The following PPFIBP1 variants were observed in gnomAD, a reference collection of about 807,000 sequenced individuals.
PPFIBP1 encodes liprin-beta-1.
In PPFIBP1, 112 loss-of-function variants were observed where a neutral mutation model predicts 137.8. The observed-to-expected ratio is 0.81, with a 90% CI of 0.70 to 0.95. PPFIBP1 has a LOEUF of 0.95. Ranked by LOEUF, PPFIBP1 falls within the 40% of genes least tolerant of loss-of-function variation. The pLI is 0.00. For missense variants in PPFIBP1, 1,083 were observed against 1,196.6 expected (o/e 0.91, Z 1.40); for synonymous variants, 378 against 417.3 (o/e 0.91, Z 1.15).
rs1233627110 is a variant in PPFIBP1 at position 27,695,471 on chromosome 12, G to T, written c.*2589G>T. 2 of 152,202 alleles carry T rather than the reference G, an allele frequency of 1.3e-5. No homozygotes were observed. Among genetic ancestry groups the T allele is most frequent in the South Asian group, 2.1e-4 (1 of 4,824 alleles). The allele number at this position is 152,202 out of a possible 1,614,324, so 9.4% of individuals were successfully genotyped here. On this transcript the variant is annotated 3_prime_UTR_variant, in exon 30 of 30. Coordinates refer to ENST00000228425, the MANE Select transcript of PPFIBP1 (RefSeq NM_003622.4). ...AACCTAACTGATAATAGGTAATAAG[G>T]TTAAATTTTTTTATGACGTATTTTA...
At chr12:27,692,106 G>C (rs1302774416) in intron 28 of PPFIBP1, among the ~76,000 whole-genome samples, 178 bp downstream of exon 28, 1 of 152,164 alleles carries the variant, frequency 6.6e-6, no homozygotes, top group Non-Finnish European at 1.5e-5. Context: ...AGCACTTAAT[G>C]CATACTATGT....
At chr12:27,567,296 C>T (rs941101593) in intron 1 of PPFIBP1, among the ~76,000 whole-genome samples, 2 of 152,168 alleles carry the variant, frequency 1.3e-5, no homozygotes, top group African/African-American at 4.8e-5. Flanking sequence ...TATCAACCAA[C>T]CACAGTGGTG....
intron 1 of PPFIBP1, among the ~76,000 whole-genome samples, chr12:27,574,115 G>A (rs1439906530): frequency 3.3e-5 from 5 of 152,124 alleles, no homozygotes; most frequent in Admixed American, 3.3e-4. Context: ...TTTCAGTACA[G>A]AAGGGCACTG....
rs201771402 is a variant in PPFIBP1, at chr12:27,633,366, G to C, written c.-31G>C. 2.5e-6 allele frequency: 4 copies of C among 1,605,726 alleles called. No homozygotes were observed. Among genetic ancestry groups the C allele is most frequent in the Admixed American group, 1.7e-5 (1 of 59,610 alleles). On this transcript the variant is annotated 5_prime_UTR_variant, in exon 3 of 30. Transcript: ENST00000228425. ...GATAACCTTATTTTTTTTCAGATCTGGGTTGGAATTTGCCCCTGACAAATA... is the reference window on the plus strand; with the variant it reads ...GATAACCTTATTTTTTTTCAGATCTCGGTTGGAATTTGCCCCTGACAAATA...
chr12:27,558,342 C>T (rs937600974), intron 1 of PPFIBP1, among the ~76,000 whole-genome samples: 3 of 151,420 alleles, frequency 2.0e-5, no homozygotes, highest in African/African-American at 7.3e-5. Flanking sequence ...ATGAACAGGG[C>T]TACTTCCAGT....
intron 6 of PPFIBP1, among the ~76,000 whole-genome samples, chr12:27,649,103 T>C (rs1423673934): frequency 6.6e-6 from 1 of 152,170 alleles, no homozygotes; most frequent in Non-Finnish European, 1.5e-5. Flanking sequence ...ATATACCCCA[T>C]AAATGTATAT....
At chr12:27,634,870 A>G (rs772503063) in intron 3 of PPFIBP1, 40 bp from the exon 4 acceptor site, 9 of 1,561,414 alleles carry the variant, frequency 5.8e-6, no homozygotes, top group Admixed American at 3.4e-5. Context: ...TTTATCTAAC[A>G]TAAATCCCAT....
Position 27,633,409 on chromosome 12 carries a change from G to A in PPFIBP1, c.13G>A (p.Ala5Thr). MMSD[A>T]SDMLAAALEQ... Reference sequence around the variant, plus strand: ...GACAAATAATAAAATGATGAGTGATGCAAGTGACATGTTGGCTGCAGCGTT... The same window carrying A: ...GACAAATAATAAAATGATGAGTGATACAAGTGACATGTTGGCTGCAGCGTT... The change falls in exon 3 of 30, where the codon GCA becomes ACA. Residue 5 changes from alanine (A) to threonine (T), a missense_variant. By Grantham distance (58) the Ala-to-Thr change is moderately conservative (BLOSUM62 0). Coordinates refer to ENST00000228425, the MANE Select transcript of PPFIBP1 (RefSeq NM_003622.4). 1.2e-6 allele frequency: 2 copies of A among 1,613,592 alleles called. No individual in the cohort carries two copies. Among genetic ancestry groups the A allele is most frequent in the Non-Finnish European group, 1.7e-6 (2 of 1,179,794 alleles).
At chr12:27,586,643 G>A (rs1319302167) in intron 2 of PPFIBP1, among the ~76,000 whole-genome samples, 1 of 151,972 alleles carries the variant, frequency 6.6e-6, no homozygotes, top group Admixed American at 6.6e-5. Context: ...GTTGCAGTGA[G>A]CAGAGATCAT....
intron 17 of PPFIBP1, 56 bp from the exon 18 acceptor site, chr12:27,676,372 A>G: frequency 7.5e-7 from 1 of 1,332,352 alleles, no homozygotes; most frequent in South Asian, 2.3e-5. Context: ...TTAGCCTGGC[A>G]TGTGCTGAGG....
intron 1 of PPFIBP1, among the ~76,000 whole-genome samples, chr12:27,527,676 G>A (rs956602172): frequency 2.0e-5 from 3 of 152,014 alleles, no homozygotes; most frequent in Admixed American, 6.6e-5. Flanking sequence ...TTAAAGAAAC[G>A]TCGCTTCAAG....
In PPFIBP1 at chr12:27,692,779, G is replaced by A. The variant is rs755589434; in HGVS notation, c.2932-17G>A. ...CTCTTGGCTCTCAGTGTGACTCCCT[G>A]TCTCCTTGTTTTCCAGCACATGTTA... On this transcript the variant is annotated splice_polypyrimidine_tract_variant and intron_variant, in intron 29 of 29. Transcript: ENST00000228425. The A allele has an allele frequency of 3.1e-6, 5 of 1,614,040 alleles. No homozygotes were observed. The South Asian group carries it at 4.4e-5, about 14-fold the overall frequency.
At chr12:27,626,366 C>T (rs900435537) in intron 2 of PPFIBP1, among the ~76,000 whole-genome samples, 2 of 152,046 alleles carry the variant, frequency 1.3e-5, no homozygotes, top group African/African-American at 4.8e-5. Flanking sequence ...AGGAATTCTG[C>T]CCTTATTTAC....
In PPFIBP1 at chr12:27,671,549, A is replaced by G. The variant is rs1358294286; in HGVS notation, c.1262+3A>G. On this transcript the variant is annotated splice_donor_region_variant and intron_variant, in intron 14 of 29. Transcript: ENST00000228425. ...CCAGAGACTTCATTTGAAGAAAAGT[A>G]TGTCATTTATTAACAGTGCAATATA... 2 of 1,526,190 alleles carry G rather than the reference A, an allele frequency of 1.3e-6. No individual in the cohort carries two copies. Among genetic ancestry groups the G allele is most frequent in the Non-Finnish European group, 1.8e-6 (2 of 1,116,604 alleles). 94.5% of individuals were successfully genotyped at this position (1,526,190 alleles called of 1,614,324 possible).
intron 2 of PPFIBP1, among the ~76,000 whole-genome samples, chr12:27,630,891 A>G (rs74804210): frequency 0.013 from 2,005 of 151,618 alleles, 42 homozygotes; most frequent in African/African-American, 0.046. Flanking sequence ...TAAGTCTACC[A>G]CTTTGGCTAT....
intron 1 of PPFIBP1, among the ~76,000 whole-genome samples, chr12:27,565,514 CTT>C (rs2049567212): frequency 6.6e-6 from 1 of 152,246 alleles, no homozygotes; most frequent in Non-Finnish European, 1.5e-5. Context: ...GCCAGCATTT[CTT>C]TGTCTCCAGG....
rs899772296 is a variant in PPFIBP1, at chr12:27,656,557, C to G, written c.697-59C>G. 7.7e-6 allele frequency: 8 copies of G among 1,043,384 alleles called. No homozygotes were observed. In the African/African-American group the frequency reaches 1.3e-4, roughly 16 times the overall value. 64.6% of individuals were successfully genotyped at this position (1,043,384 alleles called of 1,614,324 possible). On this transcript the variant is annotated intron_variant, in intron 8 of 29. Coordinates refer to ENST00000228425, the MANE Select transcript of PPFIBP1 (RefSeq NM_003622.4). ...TATTGATTTAAAGAGCTAATATGCT[C>G]TCTGAATGTTCCTTTTCAGTCATGA...
At chr12:27,665,366 A>G (rs1192558576) in intron 12 of PPFIBP1, among the ~76,000 whole-genome samples, 5 of 152,116 alleles carry the variant, frequency 3.3e-5, no homozygotes, top group African/African-American at 1.2e-4. Context: ...GAGATAGAGG[A>G]GGAGAGTGAA....
chr12:27,694,157 A>G lies in PPFIBP1; in HGVS notation c.*1275A>G, dbSNP rs1365245575. 8.7e-6 allele frequency: 1 copy of G among 114,290 alleles called. No homozygotes were observed. The allele number at this position is 114,290 out of a possible 1,614,324, so 7.1% of individuals were successfully genotyped here. A position where few individuals can be genotyped will look rare whatever the true frequency, so the allele number is the denominator to read the frequency against. On this transcript the variant is annotated 3_prime_UTR_variant, in exon 30 of 30. Transcript: ENST00000228425. ...GGTGTGTGGCCTCCCACCCCACCCC[A>G]CCCTTCACACCTGGCTGATTTTTCA...
Sources: allele counts gnomAD v4.1 joint callset (sites outside exome capture counted in the v4.1 genomes callset), GRCh38; gene constraint gnomAD v4.1.1; transcripts MANE v1.5; gene names NCBI Gene and HGNC (gene_info 2026-07-23, HGNC 2026-07-21).